The following ADNP variants were observed in gnomAD, a reference collection of about 807,000 sequenced individuals.
The protein encoded by ADNP is activity dependent neuroprotector homeobox.
In ADNP, 4 loss-of-function variants were observed where a neutral mutation model predicts 84.9. The ratio of observed to expected loss-of-function variants is 0.05; its 90% confidence interval spans 0.02 to 0.11. The LOEUF (loss-of-function observed/expected upper bound fraction) is 0.11. Among genes scored for constraint, ADNP ranks in the 10% least tolerant of loss-of-function variants. The pLI, the probability that ADNP is intolerant of heterozygous loss-of-function variation, is 1.00. For synonymous variants in ADNP, 554 were observed against 468.1 expected (o/e 1.18, Z -2.37); for missense variants, 1,132 against 1,326.0 (o/e 0.85, Z 2.27).
rs199614633 is a variant in ADNP, at chr20:50,892,698, G to A, written c.2016C>T (p.Thr672=). The part of the protein sequence containing the change: ...YKCIHCLGVY[T]SNMTASTITL... ...TGATAGTTGAGGCGGTCATGTTGCT[G>A]GTATACACACCAAGGCAATGGATAC... The change falls in exon 6 of 6, where the codon ACC becomes ACT. Residue 672 remains threonine, a synonymous_variant. Coordinates refer to ENST00000621696, the MANE Select transcript of ADNP (RefSeq NM_001282531.3). 2 of 1,614,144 alleles carry A rather than the reference G, an allele frequency of 1.2e-6. No homozygotes were observed. Among genetic ancestry groups the A allele is most frequent in the East Asian group, 2.2e-5 (1 of 44,892 alleles).
At chr20:50,899,724 T>G (rs1051722125) in intron 5 of ADNP, among the ~76,000 whole-genome samples, 1 of 152,012 alleles carries the variant, frequency 6.6e-6, no homozygotes, top group African/African-American at 2.4e-5. Context: ...ACCATTGATC[T>G]TGACCCTGTG....
chr20:50,892,338 A>G lies in ADNP; in HGVS notation c.2376T>C (p.Ser792=), dbSNP rs1196691726. The change falls in exon 6 of 6, where the codon AGT becomes AGC. Residue 792 remains serine, a synonymous_variant. Coordinates refer to ENST00000621696, the MANE Select transcript of ADNP (RefSeq NM_001282531.3). Reference sequence around the variant, plus strand: ...CGATGTCACTCTTCCATAACCATAAACTGGCTGCTAGCTTCTCAATTTCTC... The same window carrying G: ...CGATGTCACTCTTCCATAACCATAAGCTGGCTGCTAGCTTCTCAATTTCTC... The part of the protein sequence containing the change: ...TRREIEKLAA[S]LWLWKSDIAS... The G allele has an allele frequency of 6.2e-7, 1 of 1,613,966 alleles. No individual in the cohort carries two copies. The highest frequency in any genetic ancestry group is 1.7e-5 in the Admixed American group (1 of 59,998).
rs1031673253 is a variant in ADNP at position 50,922,508 on chromosome 20, C to T, written c.-90+6143G>A. Among the ~76,000 whole-genome samples, 52 of 151,806 alleles carry T rather than the reference C, an allele frequency of 3.4e-4. 1 individual carries two copies. Among genetic ancestry groups the T allele is most frequent in the African/African-American group, 1.2e-3 (51 of 41,362 alleles). ...TGCGTAAGGGCACTGGGCTTCCATA[C>T]CCTCTCTGGGGGCGCCACCCTCCAG... On this transcript the variant is annotated intron_variant, in intron 2 of 5. Transcript: ENST00000621696.
At chr20:50,930,270 TAA>T (rs1458446002) in intron 1 of ADNP, among the ~76,000 whole-genome samples, 1 of 152,032 alleles carries the variant, frequency 6.6e-6, no homozygotes, top group Non-Finnish European at 1.5e-5. Flanking sequence ...GTGGTCAGGA[TAA>T]GAGGAAAGCT....
At chr20:50,922,018 C>CCA (rs1211118234) in intron 2 of ADNP, among the ~76,000 whole-genome samples, 1 of 152,198 alleles carries the variant, frequency 6.6e-6, no homozygotes, top group African/African-American at 2.4e-5. Context: ...AGGCATACAG[C>CCA]CACTTGCTGT....
At chr20:50,905,057 G>A (rs1600959211) in intron 2 of ADNP, 1 of 152,080 alleles carries the variant, frequency 6.6e-6, no homozygotes, top group Non-Finnish European at 1.5e-5. Flanking sequence ...TGAAAAGCCT[G>A]TATGTGTCTA....
chr20:50,904,882 C>CAA (rs996906719), intron 2 of ADNP, 33 bp from the exon 3 acceptor site: 1 of 151,780 alleles, frequency 6.6e-6, no homozygotes, highest in Non-Finnish European at 1.5e-5. Context: ...AAAACAAAAA[C>CAA]AAAAAAACCT....
chr20:50,902,079 A>T lies in ADNP; in HGVS notation c.139T>A (p.Tyr47Asn). The change falls in exon 5 of 6, where the codon TAT (tyrosine) becomes AAT (asparagine). Residue 47 changes from tyrosine to asparagine, a missense_variant. By Grantham distance (143) the Tyr-to-Asn change is moderately radical. Around this residue, in one of 10 missense-constraint regions of ADNP, gnomAD observed 56 missense variants for 94.6 expected, o/e 0.59. Transcript: ENST00000621696. ...DFKQFEPNDFYLKNTTWEDVG... is the reference protein window; with the variant it reads ...DFKQFEPNDFNLKNTTWEDVG... The stretch of plus-strand genomic sequence containing the variant: ...TCCTCCCATGTAGTGTTTTTCAAAT[A>T]AAAGTCATTAGGTTCAAATTGTTTA... The T allele has an allele frequency of 6.2e-7, 1 of 1,613,690 alleles. No individual in the cohort carries two copies. Among genetic ancestry groups the T allele is most frequent in the Non-Finnish European group, 8.5e-7 (1 of 1,179,590 alleles).
chr20:50,901,390 T>TA (rs897018373), intron 5 of ADNP, among the ~76,000 whole-genome samples: 3 of 143,736 alleles, frequency 2.1e-5, no homozygotes, highest in African/African-American at 7.8e-5. Context: ...TATGTTCCGA[T>TA]AGATGAACAG....
rs757360719 is a variant in ADNP, at chr20:50,891,955, G to A, written c.2759C>T (p.Ala920Val). The part of the protein sequence containing the change: ...EHVLKVIPED[A>V]SESEEKLDQK... ...GTCTAGCTTCTCCTCAGATTCTGAA[G>A]CATCCTCAGGAATTACCTTCAGTAC... is the stretch of plus-strand genomic sequence containing the variant. The change falls in exon 6 of 6, where the codon GCT becomes GTT. Residue 920 changes from alanine to valine, a missense_variant. Physicochemically the swap from Ala to Val is moderately conservative, Grantham distance 64 (BLOSUM62 0). Around this residue, in one of 10 missense-constraint regions of ADNP, gnomAD observed 381 missense variants for 319.9 expected, o/e 1.19. Coordinates refer to ENST00000621696, the MANE Select transcript of ADNP (RefSeq NM_001282531.3). 3 of 1,614,196 alleles carry A rather than the reference G, an allele frequency of 1.9e-6. No individual in the cohort carries two copies. The highest frequency in any genetic ancestry group is 2.5e-6 in the Non-Finnish European group (3 of 1,180,036).
intron 2 of ADNP, among the ~76,000 whole-genome samples, chr20:50,927,084 T>C (rs1450256639): frequency 6.6e-6 from 1 of 152,206 alleles, no homozygotes; most frequent in East Asian, 1.9e-4. Context: ...TTTTGCCTGA[T>C]AAAAGCCTAC....
At chr20:50,926,535 A>AT (rs572941473) in intron 2 of ADNP, among the ~76,000 whole-genome samples, 66 of 152,270 alleles carry the variant, frequency 4.3e-4, no homozygotes, top group African/African-American at 1.0e-3. Flanking sequence ...TAATTCTGGT[A>AT]TTTTTTTACT....
chr20:50,912,827 A>T lies in ADNP; in HGVS notation c.-89-7978T>A, dbSNP rs1258434407. ...AAATAAAGTTCACACTGTGATTTTTAAAAAAACATTTCTACCCTAAAGTTG... is the reference window on the plus strand; with the variant it reads ...AAATAAAGTTCACACTGTGATTTTTTAAAAAACATTTCTACCCTAAAGTTG... On this transcript the variant is annotated intron_variant, in intron 2 of 5. Transcript: ENST00000621696. 2.0e-5 allele frequency among the ~76,000 whole-genome samples: 3 copies of T among 151,992 alleles called. No individual in the cohort carries two copies. In the East Asian group the frequency reaches 5.8e-4, roughly 29 times the overall value.
rs1980607212 is a variant in ADNP, at chr20:50,890,748, G to A, written c.*657C>T. On this transcript the variant is annotated 3_prime_UTR_variant, in exon 6 of 6. Coordinates refer to ENST00000621696, the MANE Select transcript of ADNP (RefSeq NM_001282531.3). Reference sequence around the variant, plus strand: ...TATATATCTTACGTGGCTGGCCTCTGTTGCAAGATTGTACAAGGTTATGTG... The same window carrying A: ...TATATATCTTACGTGGCTGGCCTCTATTGCAAGATTGTACAAGGTTATGTG... 5.3e-6 allele frequency: 1 copy of A among 190,056 alleles called. No individual in the cohort carries two copies. The highest frequency in any genetic ancestry group is 9.8e-6 in the Non-Finnish European group (1 of 102,140). 11.8% of individuals were successfully genotyped at this position (190,056 alleles called of 1,614,324 possible). A position where few individuals can be genotyped will look rare whatever the true frequency, so the allele number is the denominator to read the frequency against.
At position 50,893,968 on chromosome 20, in the gene ADNP, T is replaced by C. The variant is rs1479059415; in HGVS notation, c.746A>G (p.Tyr249Cys). The change falls in exon 6 of 6, where the codon TAT becomes TGT. Residue 249 changes from tyrosine (Y) to cysteine (C), a missense_variant. Transcript: ENST00000621696. This position sits in a 1 kb window ranked among gnomAD's most constrained non-coding sequence, Gnocchi z 4.4. ...HVIEDHERIG[Y>C]QVTAMIGHTN... ...GTGCCCAATCATGGCAGTGACCTGA[T>C]AGCCTATACGTTCATGGTCTTCGAT... 3.1e-6 allele frequency: 5 copies of C among 1,614,194 alleles called. No homozygotes were observed. Among genetic ancestry groups the C allele is most frequent in the Admixed American group, 1.7e-5 (1 of 60,022 alleles).
intron 1 of ADNP, among the ~76,000 whole-genome samples, chr20:50,929,968 C>T (rs931733456): frequency 7.3e-5 from 11 of 151,644 alleles, no homozygotes; most frequent in Admixed American, 5.9e-4. Context: ...GGATATCAGA[C>T]CTAGAGTCTT....
chr20:50,908,792 G>A (rs1255730224), intron 2 of ADNP, among the ~76,000 whole-genome samples: 1 of 151,592 alleles, frequency 6.6e-6, no homozygotes, highest in Non-Finnish European at 1.5e-5. Context: ...GAAAAAAAAA[G>A]TTATCTATTT....
At chr20:50,917,398 A>T (rs1319295026) in intron 2 of ADNP, among the ~76,000 whole-genome samples, 1 of 152,240 alleles carries the variant, frequency 6.6e-6, no homozygotes, top group African/African-American at 2.4e-5. Context: ...ATCACCATGG[A>T]GGCCAAGAGT....
At chr20:50,929,832 T>C (rs73263700) in intron 1 of ADNP, among the ~76,000 whole-genome samples, 5,636 of 152,190 alleles carry the variant, frequency 0.037, 237 homozygotes, top group African/African-American at 0.09. Flanking sequence ...AACAGTTTGG[T>C]TCTTTTTCCC....
Sources: gnomAD v4.1 joint callset for allele counts (sites outside exome capture counted in the v4.1 genomes callset) on GRCh38, gnomAD v4.1.1 for gene constraint, gnomAD v4.1.1 regional missense constraint, Gnocchi (gnomAD v3.1) non-coding constraint, MANE v1.5 for transcripts, NCBI Gene and HGNC (gene_info 2026-07-23, HGNC 2026-07-21) for gene names.